SEC31A: variants seen among roughly 807,000 people sequenced by gnomAD.
SEC31A encodes the protein protein transport protein Sec31A.
SEC31A carries 70 observed loss-of-function variants against 151.0 expected under a neutral mutation model. The ratio of observed to expected loss-of-function variants is 0.46; its 90% CI spans 0.38 to 0.57. SEC31A has a LOEUF of 0.57. SEC31A is among the 20% of genes least tolerant of loss of function. The pLI is 0.00. For missense variants in SEC31A, 1,330 were observed against 1,471.2 expected (o/e 0.90, Z 1.57); for synonymous variants, 475 against 505.9 (o/e 0.94, Z 0.82).
At chr4:82,858,236 C>A (rs1224522835) in intron 14 of SEC31A, among the ~76,000 whole-genome samples, 3 of 151,946 alleles carry the variant, frequency 2.0e-5, no homozygotes, top group Non-Finnish European at 2.9e-5. Flanking sequence ...CATGGTGAAA[C>A]CCCGTCTCTA....
chr4:82,842,678 T>G, intron 21 of SEC31A, 197 bp from the exon 22 acceptor site: 1 of 524,256 alleles, frequency 1.9e-6, no homozygotes, highest in East Asian at 3.1e-5. Flanking sequence ...GCTTCAGTAT[T>G]TGAAAAATGC....
At chr4:82,856,822 G>T in intron 16 of SEC31A, 130 bp downstream of exon 16, 1 of 755,880 alleles carries the variant, frequency 1.3e-6, no homozygotes, top group Non-Finnish European at 2.1e-6. Flanking sequence ...CTATTTCCAG[G>T]TCAAGGAATT....
Position 82,842,337 on chromosome 4 carries a change from T to C in SEC31A, c.2771A>G (p.Gln924Arg). The change falls in exon 22 of 27, where the codon CAG (glutamine) becomes CGG (arginine). Residue 924 changes from glutamine to arginine, a missense_variant. Gln to Arg is a conservative substitution (Grantham distance 43). Transcript: ENST00000395310. ...GGCCTGGTGCTGTGCTGCGTACAGC[T>C]GAGACTGCCCAGTATAGGAAGAAGC... ...SSASSYTGQS[Q>R]LYAAQHQASS... is the part of the protein sequence containing the mutation. 6.2e-7 allele frequency: 1 copy of C among 1,613,646 alleles called. No homozygotes were observed. The highest frequency in any genetic ancestry group is 8.5e-7 in the Non-Finnish European group (1 of 1,179,784).
intron 17 of SEC31A, 49 bp downstream of exon 17, chr4:82,854,854 T>A: frequency 6.6e-7 from 1 of 1,515,260 alleles, no homozygotes; most frequent in African/African-American, 1.4e-5. Flanking sequence ...ATTTACAATA[T>A]ACCCTGCCAC....
intron 6 of SEC31A, among the ~76,000 whole-genome samples, 183 bp downstream of exon 6, chr4:82,874,428 T>C (rs1350208684): frequency 6.6e-6 from 1 of 152,262 alleles, no homozygotes; most frequent in East Asian, 1.9e-4. Context: ...ACATATTTAT[T>C]GGGAATTTTA....
chr4:82,888,526 C>T (rs1741476948), intron 1 of SEC31A, among the ~76,000 whole-genome samples: 1 of 151,854 alleles, frequency 6.6e-6, no homozygotes, highest in Non-Finnish European at 1.5e-5. Context: ...CCTGTCTCTA[C>T]TAAAAATACA....
At chr4:82,851,360 CA>C (rs1731415173) in intron 19 of SEC31A, 70 bp downstream of exon 19, 1 of 1,231,732 alleles carries the variant, frequency 8.1e-7, no homozygotes, top group African/African-American at 1.5e-5. Context: ...AATATGTTTA[CA>C]TCTAATGCTA....
At chr4:82,823,973 T>C (rs1723987450) in intron 25 of SEC31A, among the ~76,000 whole-genome samples, 1 of 152,250 alleles carries the variant, frequency 6.6e-6, no homozygotes, top group African/African-American at 2.4e-5. Flanking sequence ...GTTACTTAAC[T>C]GCTCTCTGCC....
At chr4:82,849,613 C>A (rs78148545) in intron 19 of SEC31A, among the ~76,000 whole-genome samples, 510 of 109,596 alleles carry the variant, frequency 4.7e-3, no homozygotes, top group East Asian at 5.6e-3. Context: ...GAATCCGTCT[C>A]AAAAAAAAAA....
intron 19 of SEC31A, 130 bp from the exon 20 acceptor site, chr4:82,849,107 G>C: frequency 6.4e-6 from 5 of 778,008 alleles, no homozygotes; most frequent in Non-Finnish European, 1.0e-5. Context: ...TTATACAATA[G>C]ACCCTGACAC....
intron 22 of SEC31A, among the ~76,000 whole-genome samples, chr4:82,829,694 G>T (rs1451791075): frequency 6.6e-6 from 1 of 151,916 alleles, no homozygotes; most frequent in Admixed American, 6.6e-5. Flanking sequence ...AAATTTGCAG[G>T]CTGATAGCAA....
intron 11 of SEC31A, among the ~76,000 whole-genome samples, chr4:82,864,004 A>G (rs535333572): frequency 1.3e-3 from 198 of 152,012 alleles, no homozygotes; most frequent in Middle Eastern, 0.01. Context: ...CTCTTTTTTC[A>G]TTTTCCTTAA....
chr4:82,874,611 T>A lies in SEC31A; in HGVS notation c.639A>T (p.Arg213Ser). 2 of 1,604,180 alleles carry A rather than the reference T, an allele frequency of 1.2e-6. No individual in the cohort carries two copies. The highest frequency in any genetic ancestry group is 8.5e-7 in the Non-Finnish European group (1 of 1,177,800). Residue 213 changes from arginine to serine, a missense_variant and splice_region_variant, in exon 6 of 27, where the codon AGA (arginine) becomes AGT (serine). Transcript: ENST00000395310. ...PIIKVSDHSN[R>S]MHCSGLAWHP... ...CATCACAAGTCAATCACATACTTAC[T>A]CTGTTACTATGGTCACTGACTTTGA... is the stretch of plus-strand genomic sequence containing the variant.
upstream of SEC31A, chr4:82,895,457 G>T (rs1428501294): frequency 6.6e-6 from 1 of 152,208 alleles, no homozygotes; most frequent in Non-Finnish European, 1.5e-5. Flanking sequence ...GCAACAGAGT[G>T]AGACTGTCAA....
chr4:82,886,282 T>C (rs2125913004), intron 1 of SEC31A, among the ~76,000 whole-genome samples: 1 of 152,236 alleles, frequency 6.6e-6, no homozygotes, highest in East Asian at 1.9e-4. Flanking sequence ...GTCTCTGGAG[T>C]TAATCCTCAA....
Position 82,875,603 on chromosome 4 carries a change from T to C in SEC31A, c.498+124A>G, listed in dbSNP as rs192410281. ...TTAATTACTGAAGAAAAATCAGTAA[T>C]ATCTAAACAATGATTTTAAACATAT... On this transcript the variant is annotated intron_variant, in intron 5 of 26. Coordinates refer to ENST00000395310, the MANE Select transcript of SEC31A (RefSeq NM_001077207.4). 2.2e-4 allele frequency: 142 copies of C among 641,676 alleles called. 1 individual carries two copies. The highest frequency in any genetic ancestry group is 2.2e-3 in the African/African-American group (118 of 53,534). The allele number at this position is 641,676 out of a possible 1,614,324, so 39.7% of individuals were successfully genotyped here. A position where few individuals can be genotyped will look rare whatever the true frequency, so the allele number is the denominator to read the frequency against.
At position 82,872,003 on chromosome 4, in the gene SEC31A, G is replaced by C. The variant is rs1321312011; in HGVS notation, c.723C>G (p.Ile241Met). The change falls in exon 7 of 27, where the codon ATC (isoleucine) becomes ATG (methionine). Residue 241 changes from isoleucine to methionine, a missense_variant. Transcript: ENST00000395310. ...AAGCAAATCGAAGATCCCACATCTG[G>C]ATCACTGGTAACCGGTCATCCTCGG... ...LASEDDRLPV[I>M]QMWDLRFASS... 1.9e-6 allele frequency: 3 copies of C among 1,613,992 alleles called. No individual in the cohort carries two copies. The highest frequency in any genetic ancestry group is 2.5e-6 in the Non-Finnish European group (3 of 1,180,006).
Position 82,827,356 on chromosome 4 carries a change from A to G in SEC31A, c.3291+13T>C. On this transcript the variant is annotated intron_variant, in intron 24 of 26. Coordinates refer to ENST00000395310, the MANE Select transcript of SEC31A (RefSeq NM_001077207.4). ...GCCATCTTCCCATTCCACTTCTACA[A>G]ATTTACTGTTACCTGGAAGGTATTT... The G allele has an allele frequency of 6.2e-7, 1 of 1,610,660 alleles. No individual in the cohort carries two copies. Among genetic ancestry groups the G allele is most frequent in the Non-Finnish European group, 8.5e-7 (1 of 1,177,404 alleles).
At chr4:82,862,414 G>A in intron 13 of SEC31A, 120 bp downstream of exon 13, 1 of 676,468 alleles carries the variant, frequency 1.5e-6, no homozygotes, top group Non-Finnish European at 2.6e-6. Context: ...AAAATATCTA[G>A]AATAAGCATT....
Sources: allele counts gnomAD v4.1 joint callset (sites outside exome capture counted in the v4.1 genomes callset), GRCh38; gene constraint gnomAD v4.1.1; transcripts MANE v1.5; gene names NCBI Gene and HGNC (gene_info 2026-07-23, HGNC 2026-07-21).